Variants in PTPRZ1 observed in about 807,000 individuals in gnomAD.
PTPRZ1 encodes the protein protein tyrosine phosphatase receptor type Z1.
In PTPRZ1, 82 loss-of-function variants were observed where a neutral mutation model predicts 214.1. The observed-to-expected ratio is 0.38, with a 90% CI of 0.32 to 0.46. The LOEUF is 0.46. Among genes scored for constraint, PTPRZ1 ranks in the 20% least tolerant of loss-of-function variants. The pLI, the probability that PTPRZ1 is intolerant of heterozygous loss-of-function variation, is 1.00. For synonymous variants in PTPRZ1, 945 were observed against 987.9 expected (o/e 0.96, Z 0.81); for missense variants, 2,603 against 2,748.7 (o/e 0.95, Z 1.19).
chr7:121,933,330 C>T (rs1387517844), intron 2 of PTPRZ1, among the ~76,000 whole-genome samples: 1 of 151,916 alleles, frequency 6.6e-6, no homozygotes, highest in African/African-American at 2.4e-5. Flanking sequence ...CTGCTTTATT[C>T]TTAGAAGTAG....
Position 121,922,994 on chromosome 7 carries a change from G to T in PTPRZ1, c.59-5162G>T, listed in dbSNP as rs184366993. Among the ~76,000 whole-genome samples the T allele has an allele frequency of 3.2e-3, 480 of 152,240 alleles. 2 individuals carry two copies. The highest frequency in any genetic ancestry group is 0.01 in the African/African-American group (421 of 41,552). The stretch of plus-strand genomic sequence containing the variant: ...CTCCTCACTTTTAAAAGAAATCTAG[G>T]TAAGAAGAGAGAGTAGGATGAAAGT... On this transcript the variant is annotated intron_variant, in intron 1 of 29. Coordinates refer to ENST00000393386, the MANE Select transcript of PTPRZ1 (RefSeq NM_002851.3).
chr7:121,917,690 T>C (rs1795465609), intron 1 of PTPRZ1, among the ~76,000 whole-genome samples: 1 of 152,114 alleles, frequency 6.6e-6, no homozygotes, highest in Non-Finnish European at 1.5e-5. Context: ...TTACTTACAG[T>C]AAAAATATAT....
chr7:121,909,608 A>G (rs1482244236), intron 1 of PTPRZ1, among the ~76,000 whole-genome samples: 1 of 152,148 alleles, frequency 6.6e-6, no homozygotes, highest in Non-Finnish European at 1.5e-5. Flanking sequence ...ATAATACACT[A>G]CTTTGCTCAA....
chr7:122,042,515 T>C, intron 21 of PTPRZ1, 93 bp from the exon 22 acceptor site: 1 of 1,269,202 alleles, frequency 7.9e-7, no homozygotes, highest in Admixed American at 2.9e-5. Flanking sequence ...AGAAGGAAGT[T>C]ATTTTAATCA....
At chr7:122,041,307 AT>A (rs1554368732) in intron 21 of PTPRZ1, among the ~76,000 whole-genome samples, 1 of 148,020 alleles carries the variant, frequency 6.8e-6, no homozygotes, top group Non-Finnish European at 1.5e-5. Flanking sequence ...ATATAATACC[AT>A]GGGATAAAAA....
At chr7:122,037,364 CA>C (rs1799580750) in intron 18 of PTPRZ1, among the ~76,000 whole-genome samples, 1 of 151,958 alleles carries the variant, frequency 6.6e-6, no homozygotes, top group Non-Finnish European at 1.5e-5. Flanking sequence ...AGCTGATGAA[CA>C]AAAAATTTCC....
At chr7:121,891,478 T>TTTTTTTTTTATTTTTTTTTC (rs1794615730) in intron 1 of PTPRZ1, among the ~76,000 whole-genome samples, 1 of 145,972 alleles carries the variant, frequency 6.9e-6, no homozygotes, top group Non-Finnish European at 1.5e-5. Flanking sequence ...TTTTTTTTTT[T>TTTTTTTTTTATTTTTTTTTC]TTTAGTTTGA....
intron 1 of PTPRZ1, among the ~76,000 whole-genome samples, chr7:121,918,920 T>C (rs930144018): frequency 1.3e-5 from 2 of 152,014 alleles, no homozygotes; most frequent in African/African-American, 4.8e-5. Context: ...AGGAACCTTA[T>C]ATAATTTATT....
chr7:122,043,522 A>G (rs926040829), intron 22 of PTPRZ1, among the ~76,000 whole-genome samples: 2 of 152,218 alleles, frequency 1.3e-5, no homozygotes, highest in African/African-American at 4.8e-5. Flanking sequence ...CTGTTTCTAA[A>G]TAAAAATGAA....
At position 122,059,790 on chromosome 7, in the gene PTPRZ1, AC is replaced by A; in HGVS notation, c.6710del (p.Thr2237LysfsTer7). The A allele has an allele frequency of 6.2e-7, 1 of 1,613,180 alleles. No homozygotes were observed. On this transcript the variant is annotated frameshift_variant, in exon 29 of 30. Coordinates refer to ENST00000393386, the MANE Select transcript of PTPRZ1 (RefSeq NM_002851.3). LOFTEE classifies it high-confidence loss of function. ...GACGGCAGGAACTTTCTGTGCTCTG[AC>A]AACCCTTATGCACCAACTAGAAAAA... Reference protein sequence around the residue: ...GVTAGTFCALTTLMHQLEKEN... With the variant: ...GVTAGTFCALXTLMHQLEKEN...
intron 1 of PTPRZ1, among the ~76,000 whole-genome samples, chr7:121,927,309 G>T (rs749885685): frequency 6.6e-6 from 1 of 152,234 alleles, no homozygotes; most frequent in Non-Finnish European, 1.5e-5. Context: ...TAGCTGAAAT[G>T]AAGTATTAAT....
At position 122,042,715 on chromosome 7, in the gene PTPRZ1, C is replaced by T; in HGVS notation, c.5909C>T (p.Ser1970Leu). ...TTTGGCTTCTTAAAACACATCCGTT[C>T]ACAAAGAAATTATTTGGTACAAACT... ...NIFGFLKHIR[S>L]QRNYLVQTEE... The change falls in exon 22 of 30, where the codon TCA becomes TTA. Residue 1970 changes from serine (S) to leucine (L), a missense_variant. Ser to Leu is a moderately radical substitution (Grantham distance 145). Coordinates refer to ENST00000393386, the MANE Select transcript of PTPRZ1 (RefSeq NM_002851.3). 6.2e-7 allele frequency: 1 copy of T among 1,612,556 alleles called. No individual in the cohort carries two copies. The highest frequency in any genetic ancestry group is 2.2e-5 in the East Asian group (1 of 44,858).
Position 122,019,132 on chromosome 7 carries a change from A to G in PTPRZ1, c.4852A>G (p.Asn1618Asp), listed in dbSNP as rs755516589. 6.2e-6 allele frequency: 10 copies of G among 1,611,094 alleles called. No homozygotes were observed. The highest frequency in any genetic ancestry group is 7.6e-6 in the Non-Finnish European group (9 of 1,177,828). Reference sequence around the variant, plus strand: ...ATTTTCTCTGACTACAGAGGCCAGTAATAGTAGCCATGAGTCTCGTATTGG... The same window carrying G: ...ATTTTCTCTGACTACAGAGGCCAGTGATAGTAGCCATGAGTCTCGTATTGG... ...VFHVSEAEAS[N>D]SSHESRIGLA... The change falls in exon 13 of 30, where the codon AAT (asparagine) becomes GAT (aspartate). Residue 1618 changes from asparagine (N) to aspartate (D), a missense_variant. Asn to Asp is a conservative substitution (Grantham distance 23). This residue lies in a region of PTPRZ1 where 1,913 missense variants were observed against 1,914.3 expected (regional missense o/e 1.00). Transcript: ENST00000393386.
chr7:121,921,297 A>G (rs1408501162), intron 1 of PTPRZ1, among the ~76,000 whole-genome samples: 2 of 152,168 alleles, frequency 1.3e-5, no homozygotes, highest in African/African-American at 4.8e-5. Context: ...AATTACCAAC[A>G]TAGAAATTCT....
chr7:122,028,502 C>A, intron 13 of PTPRZ1, 50 bp from the exon 14 acceptor site: 1 of 1,373,370 alleles, frequency 7.3e-7, no homozygotes, highest in Non-Finnish European at 1.0e-6. Context: ...CAGAAATTGT[C>A]TTATTTTCCA....
At chr7:121,917,789 TTAAAAA>T (rs1181827893) in intron 1 of PTPRZ1, among the ~76,000 whole-genome samples, 4 of 152,168 alleles carry the variant, frequency 2.6e-5, no homozygotes, top group African/African-American at 7.2e-5. Context: ...GATTCCGATC[TTAAAAA>T]TAAAGTGAAA....
intron 12 of PTPRZ1, among the ~76,000 whole-genome samples, chr7:122,014,493 C>T (rs1048792697): frequency 1.3e-5 from 2 of 152,012 alleles, no homozygotes; most frequent in Non-Finnish European, 2.9e-5. Context: ...GGCTGGAGTG[C>T]AGTGGTGCAA....
intron 2 of PTPRZ1, among the ~76,000 whole-genome samples, chr7:121,962,952 T>A (rs930141139): frequency 1.1e-4 from 16 of 152,214 alleles, no homozygotes; most frequent in Admixed American, 5.9e-4. Context: ...TAGAGTGCTT[T>A]GCATGAAGAA....
intron 2 of PTPRZ1, among the ~76,000 whole-genome samples, chr7:121,958,345 C>A (rs1388998973): frequency 1.4e-4 from 22 of 152,154 alleles, no homozygotes; most frequent in Admixed American, 1.4e-3. Context: ...ATTGTTGAAA[C>A]CATGTTTCTA....
Sources: gnomAD v4.1 joint callset for allele counts (sites outside exome capture counted in the v4.1 genomes callset) on GRCh38, gnomAD v4.1.1 for gene constraint, gnomAD v4.1.1 regional missense constraint, MANE v1.5 for transcripts, NCBI Gene and HGNC (gene_info 2026-07-23, HGNC 2026-07-21) for gene names.